The following KLHL1 variants were observed in gnomAD, a reference collection of about 807,000 sequenced individuals.
The protein encoded by KLHL1 is kelch like family member 1, also known as kelch-like protein 1.
A neutral mutation model predicts 77.7 loss-of-function variants in KLHL1; 47 were observed. The ratio of observed to expected loss-of-function variants is 0.60; its 90% confidence interval spans 0.48 to 0.77. The LOEUF is 0.77. KLHL1 is among the 30% of genes least tolerant of loss of function. The probability of loss-of-function intolerance (pLI) is 0.00; values close to 1 mark genes in which losing one functional copy is unlikely to be tolerated. For missense variants in KLHL1, 925 were observed against 910.8 expected (o/e 1.02, Z -0.20); for synonymous variants, 360 against 325.2 (o/e 1.11, Z -1.15).
intron 6 of KLHL1, among the ~76,000 whole-genome samples, chr13:69,827,006 C>T (rs1476863240): frequency 1.3e-5 from 2 of 148,216 alleles, no homozygotes; most frequent in African/African-American, 5.2e-5. Context: ...TTTAAAGATA[C>T]TAATTTCATG....
chr13:69,987,922 C>A (rs1884916704), intron 1 of KLHL1, among the ~76,000 whole-genome samples: 1 of 151,720 alleles, frequency 6.6e-6, no homozygotes, highest in Non-Finnish European at 1.5e-5. Flanking sequence ...CAAACAAGTG[C>A]AAAGACTGTG....
chr13:69,787,082 G>T (rs1000322413), intron 7 of KLHL1, among the ~76,000 whole-genome samples: 18 of 152,154 alleles, frequency 1.2e-4, no homozygotes, highest in Non-Finnish European at 2.4e-4. Flanking sequence ...TGGCCATACT[G>T]CCCAAGGTAA....
At chr13:69,730,456 C>A (rs539421921) in intron 8 of KLHL1, among the ~76,000 whole-genome samples, 1 of 151,732 alleles carries the variant, frequency 6.6e-6, no homozygotes, top group African/African-American at 2.4e-5. Context: ...AAGAAAAAGT[C>A]ACTAAATAAC....
rs908559403 is a variant in KLHL1, at chr13:70,069,246, G to A, written c.497+37957C>T. Among the ~76,000 whole-genome samples, 3 of 152,108 alleles carry A rather than the reference G, an allele frequency of 2.0e-5. No individual in the cohort carries two copies. In the East Asian group the frequency reaches 5.8e-4, roughly 29 times the overall value. On this transcript the variant is annotated intron_variant, in intron 1 of 10. Transcript: ENST00000377844. The stretch of plus-strand genomic sequence containing the variant: ...AGATTACAGCTAACAAACACTGAAA[G>A]CCTTTGACACTATTTAAGTAGGTTC...
At chr13:69,857,697 A>C (rs148301182) in intron 5 of KLHL1, among the ~76,000 whole-genome samples, 25 of 152,190 alleles carry the variant, frequency 1.6e-4, no homozygotes, top group African/African-American at 5.5e-4. Context: ...TCAGGGTTAA[A>C]TTTAAGGTAA....
intron 1 of KLHL1, among the ~76,000 whole-genome samples, chr13:70,046,615 G>A (rs900763414): frequency 6.6e-6 from 1 of 152,176 alleles, no homozygotes; most frequent in Non-Finnish European, 1.5e-5. Context: ...AGCTTCCCTA[G>A]TAGCTGGGAT....
rs1211073965 is a variant in KLHL1, at chr13:69,780,685, CATAT to C, written c.1639+16049_1639+16052del. Among the ~76,000 whole-genome samples the C allele has an allele frequency of 2.8e-4, 8 of 28,118 alleles. 1 individual carries two copies. Among genetic ancestry groups the C allele is most frequent in the South Asian group, 4.3e-3 (2 of 470 alleles). The allele number at this position is 28,118 out of a possible 152,430, so 18.4% of individuals were successfully genotyped here. A position where few individuals can be genotyped will look rare whatever the true frequency, so the allele number is the denominator to read the frequency against. On this transcript the variant is annotated intron_variant, in intron 7 of 10. Transcript: ENST00000377844. ...AATTTCACTCTGAATTCTCTTTCTT[CATAT>C]ATATATATATATGTATATATATATA...
intron 1 of KLHL1, among the ~76,000 whole-genome samples, chr13:70,095,700 C>T (rs1887772585): frequency 6.6e-6 from 1 of 152,056 alleles, no homozygotes; most frequent in Non-Finnish European, 1.5e-5. Flanking sequence ...CAATTCCACT[C>T]TTTTAGTTAT....
intron 8 of KLHL1, among the ~76,000 whole-genome samples, chr13:69,724,281 G>C (rs1404128423): frequency 6.6e-6 from 1 of 152,048 alleles, no homozygotes; most frequent in Non-Finnish European, 1.5e-5. Context: ...AAAGCAAGCT[G>C]TACCCCTGAC....
intron 1 of KLHL1, among the ~76,000 whole-genome samples, chr13:70,014,569 A>G (rs1277060143): frequency 7.0e-6 from 1 of 143,702 alleles, no homozygotes; most frequent in Non-Finnish European, 1.5e-5. Context: ...ATAAGTGCAA[A>G]ATAAAGTCTG....
intron 1 of KLHL1, among the ~76,000 whole-genome samples, chr13:69,987,068 A>T (rs939850663): frequency 3.3e-5 from 5 of 151,978 alleles, no homozygotes; most frequent in South Asian, 2.1e-4. Flanking sequence ...AAATTATCAT[A>T]AAAAATTTAT....
Position 69,701,654 on chromosome 13 carries a change from A to C in KLHL1, c.*48T>G. On this transcript the variant is annotated 3_prime_UTR_variant, in exon 11 of 11. Transcript: ENST00000377844. ...TCTCATTCTTGCCATTCAATATAAA[A>C]ATAACCACTCCAGCAAGTAAAATCT... 1 of 1,366,646 alleles carries C rather than the reference A, an allele frequency of 7.3e-7. No homozygotes were observed. Among genetic ancestry groups the C allele is most frequent in the Non-Finnish European group, 1.0e-6 (1 of 965,432 alleles). The allele number at this position is 1,366,646 out of a possible 1,614,324, so 84.7% of individuals were successfully genotyped here.
At chr13:69,853,111 G>C (rs916435011) in intron 5 of KLHL1, among the ~76,000 whole-genome samples, 7 of 151,924 alleles carry the variant, frequency 4.6e-5, no homozygotes, top group Admixed American at 4.6e-4. Flanking sequence ...GTTTTCAGTT[G>C]GTTGACTTTT....
intron 5 of KLHL1, among the ~76,000 whole-genome samples, chr13:69,859,243 C>A (rs558205803): frequency 6.7e-6 from 1 of 149,262 alleles, no homozygotes; most frequent in South Asian, 2.1e-4. Flanking sequence ...TTTCTTCCTC[C>A]TCATCCATTT....
chr13:70,081,841 G>A (rs868513540), intron 1 of KLHL1, among the ~76,000 whole-genome samples: 3 of 152,182 alleles, frequency 2.0e-5, no homozygotes, highest in Admixed American at 6.5e-5. Context: ...TTGAACTTAC[G>A]GGTTTGTGGT....
rs1888124142 is a variant in KLHL1, at chr13:70,108,171, C to T, written c.-472G>A. The T allele has an allele frequency of 2.5e-6, 1 of 399,350 alleles. No homozygotes were observed. The highest frequency in any genetic ancestry group is 2.1e-5 in the African/African-American group (1 of 48,558). 24.7% of individuals were successfully genotyped at this position (399,350 alleles called of 1,614,324 possible). A position where few individuals can be genotyped will look rare whatever the true frequency, so the allele number is the denominator to read the frequency against. On this transcript the variant is annotated 5_prime_UTR_variant, in exon 1 of 11. Transcript: ENST00000377844. ...TGGTGGCGTTCTTGTCCTTGCAGCT[C>T]AGAGTTCAGTGTCTGGAGAGCGCAG...
At chr13:69,850,270 C>T (rs1879633050) in intron 5 of KLHL1, among the ~76,000 whole-genome samples, 1 of 151,494 alleles carries the variant, frequency 6.6e-6, no homozygotes, top group Non-Finnish European at 1.5e-5. Context: ...TACTTAATTA[C>T]CTGCACTTCA....
At chr13:70,014,424 G>C (rs560528279) in intron 1 of KLHL1, among the ~76,000 whole-genome samples, 1 of 152,156 alleles carries the variant, frequency 6.6e-6, no homozygotes, top group African/African-American at 2.4e-5. Flanking sequence ...AAGAATGTCA[G>C]AATACTTTTG....
chr13:70,107,826 A>T lies in KLHL1; in HGVS notation c.-127T>A. The T allele has an allele frequency of 1.4e-6, 1 of 700,108 alleles. No individual in the cohort carries two copies. The allele number at this position is 700,108 out of a possible 1,614,324, so 43.4% of individuals were successfully genotyped here. ...ATGCGCCCTCTGCACCCCTAGAGCC[A>T]GAAGACGCTAGGTGGGCTGCGCGCT... On this transcript the variant is annotated 5_prime_UTR_variant, in exon 1 of 11. Coordinates refer to ENST00000377844, the MANE Select transcript of KLHL1 (RefSeq NM_020866.3).
Sources: allele counts gnomAD v4.1 joint callset (sites outside exome capture counted in the v4.1 genomes callset), GRCh38; gene constraint gnomAD v4.1.1; transcripts MANE v1.5; gene names NCBI Gene and HGNC (gene_info 2026-07-23, HGNC 2026-07-21).